Variants in GPC5 observed in about 807,000 individuals in gnomAD.
GPC5 encodes the protein glypican 5.
In GPC5, 47 loss-of-function variants were observed where a neutral mutation model predicts 53.9. The observed-to-expected ratio is 0.87, with a 90% CI of 0.69 to 1.11. The LOEUF (loss-of-function observed/expected upper bound fraction) is 1.11, where lower values mean the gene tolerates loss of function less well. GPC5 is among the 50% of genes most tolerant of loss of function. GPC5 has a pLI of 0.00. For missense variants in GPC5, 748 were observed against 713.1 expected (o/e 1.05, Z -0.56); for synonymous variants, 286 against 263.3 (o/e 1.09, Z -0.84).
chr13:91,656,168 CAG>C (rs2034840611), intron 2 of GPC5, among the ~76,000 whole-genome samples: 3 of 152,104 alleles, frequency 2.0e-5, no homozygotes. Flanking sequence ...ATAACAGAAA[CAG>C]AGGCAGCGTG....
At chr13:92,335,032 C>T (rs1281869399) in intron 7 of GPC5, among the ~76,000 whole-genome samples, 1 of 152,160 alleles carries the variant, frequency 6.6e-6, no homozygotes, top group Non-Finnish European at 1.5e-5. Context: ...CTTCTTCTCA[C>T]AGCTCCACTA....
intron 6 of GPC5, among the ~76,000 whole-genome samples, chr13:92,032,741 G>C (rs2040862484): frequency 6.6e-6 from 1 of 152,154 alleles, no homozygotes; most frequent in South Asian, 2.1e-4. Flanking sequence ...TTACCAGACA[G>C]CAATGGAACG....
chr13:92,685,042 A>G (rs1228030214), intron 7 of GPC5, among the ~76,000 whole-genome samples: 2 of 152,114 alleles, frequency 1.3e-5, no homozygotes, highest in Non-Finnish European at 2.9e-5. Flanking sequence ...TGCTGCCATC[A>G]GTAATTTTCC....
chr13:92,635,391 G>A (rs547281963), intron 7 of GPC5, among the ~76,000 whole-genome samples: 52 of 152,240 alleles, frequency 3.4e-4, no homozygotes, highest in Admixed American at 5.9e-4. Context: ...TAAGAGCATG[G>A]CACCAGCATG....
intron 7 of GPC5, among the ~76,000 whole-genome samples, chr13:92,517,917 T>C (rs1158572128): frequency 1.3e-5 from 2 of 152,086 alleles, no homozygotes; most frequent in African/African-American, 2.4e-5. Context: ...GCAAAGAAGT[T>C]AAAAACCTTG....
rs1057004871 is a variant in GPC5 at position 91,724,443 on chromosome 13, C to CT, written c.1021-4079dup. On this transcript the variant is annotated intron_variant, in intron 3 of 7. Coordinates refer to ENST00000377067, the MANE Select transcript of GPC5 (RefSeq NM_004466.6). ...GCTTAATAATCACTCGAACTACCTC[C>CT]TTTTTTTTTTCAATTTGTAATTTCC... Among the ~76,000 whole-genome samples, 307 of 148,472 alleles carry CT rather than the reference C, an allele frequency of 2.1e-3. 1 individual carries two copies. The highest frequency in any genetic ancestry group is 4.8e-3 in the African/African-American group (196 of 40,534).
chr13:92,538,078 C>A (rs370673960), intron 7 of GPC5, among the ~76,000 whole-genome samples: 1 of 152,108 alleles, frequency 6.6e-6, no homozygotes, highest in East Asian at 1.9e-4. Context: ...AGAACTACAA[C>A]TAAAGTGTTT....
At chr13:92,257,545 G>GTTTTTTTTTTTTTTTTTTTTTTT (rs1566507028) in intron 7 of GPC5, among the ~76,000 whole-genome samples, 1 of 50,054 alleles carries the variant, frequency 2.0e-5, no homozygotes, top group African/African-American at 1.2e-4. Flanking sequence ...CTAATACAGG[G>GTTTTTTTTTTTTTTTTTTTTTTT]ATTTTTTTTT....
At chr13:91,442,105 G>T (rs915562025) in intron 1 of GPC5, among the ~76,000 whole-genome samples, 2 of 152,096 alleles carry the variant, frequency 1.3e-5, no homozygotes, top group Non-Finnish European at 2.9e-5. Context: ...ATTAAATAAA[G>T]CACAGATACA....
At position 92,216,839 on chromosome 13, in the gene GPC5, C is replaced by T. The variant is rs1176104302; in HGVS notation, c.1561+71850C>T. ...TACCAAAATACAAAGATTAGCTGGG[C>T]GTGGTGGCGTACACCTGTAATCCCA... On this transcript the variant is annotated intron_variant, in intron 7 of 7. Coordinates refer to ENST00000377067, the MANE Select transcript of GPC5 (RefSeq NM_004466.6). Among the ~76,000 whole-genome samples, 3 of 151,976 alleles carry T rather than the reference C, an allele frequency of 2.0e-5. No homozygotes were observed. The East Asian group carries it at 5.8e-4, about 29-fold the overall frequency.
intron 7 of GPC5, among the ~76,000 whole-genome samples, chr13:92,708,483 T>G (rs932843084): frequency 6.6e-6 from 1 of 152,174 alleles, no homozygotes; most frequent in Non-Finnish European, 1.5e-5. Flanking sequence ...TGATTCTCTA[T>G]TCTACTGCAG....
chr13:91,695,839 T>C (rs2035868951), intron 3 of GPC5, among the ~76,000 whole-genome samples: 1 of 152,332 alleles, frequency 6.6e-6, no homozygotes, highest in African/African-American at 2.4e-5. Context: ...AGACCTTTTT[T>C]CCTATGTATT....
chr13:91,828,117 C>T (rs2038602333), intron 5 of GPC5, among the ~76,000 whole-genome samples: 1 of 152,044 alleles, frequency 6.6e-6, no homozygotes, highest in Admixed American at 6.6e-5. Context: ...ATATTGAAAT[C>T]TAATGATGCA....
At chr13:91,708,260 G>A (rs371748102) in intron 3 of GPC5, among the ~76,000 whole-genome samples, 5 of 151,648 alleles carry the variant, frequency 3.3e-5, no homozygotes, top group Admixed American at 1.3e-4. Flanking sequence ...TTAAGTTTAC[G>A]TTTTTTGTTT....
At chr13:91,894,964 A>G (rs1361207033) in intron 5 of GPC5, among the ~76,000 whole-genome samples, 1 of 152,032 alleles carries the variant, frequency 6.6e-6, no homozygotes, top group Non-Finnish European at 1.5e-5. Flanking sequence ...AGCAATTGCC[A>G]GGAAAGATAA....
At chr13:91,495,444 T>C (rs1301273805) in intron 2 of GPC5, among the ~76,000 whole-genome samples, 1 of 152,192 alleles carries the variant, frequency 6.6e-6, no homozygotes, top group Non-Finnish European at 1.5e-5. Flanking sequence ...AGTCCTGCTG[T>C]GGCTTACAAA....
chr13:92,198,089 G>A (rs970750607), intron 7 of GPC5, among the ~76,000 whole-genome samples: 1 of 152,116 alleles, frequency 6.6e-6, no homozygotes, highest in African/African-American at 2.4e-5. Flanking sequence ...CACCTTCTCT[G>A]AGGAATCATT....
chr13:92,054,674 G>T (rs1411206754), intron 6 of GPC5, among the ~76,000 whole-genome samples: 1 of 152,154 alleles, frequency 6.6e-6, no homozygotes, highest in Non-Finnish European at 1.5e-5. Flanking sequence ...TTTGCTATCT[G>T]CAAGGAGTTG....
intron 7 of GPC5, among the ~76,000 whole-genome samples, chr13:92,332,198 A>C (rs981284979): frequency 6.6e-6 from 1 of 152,156 alleles, no homozygotes; most frequent in African/African-American, 2.4e-5. Context: ...TGAATACATA[A>C]TGTTAAACTG....
Sources: allele counts gnomAD v4.1 joint callset (sites outside exome capture counted in the v4.1 genomes callset), GRCh38; gene constraint gnomAD v4.1.1; transcripts MANE v1.5; gene names NCBI Gene and HGNC (gene_info 2026-07-23, HGNC 2026-07-21).